The following ASCC3 variants were observed in gnomAD, a reference collection of about 807,000 sequenced individuals.
ASCC3 encodes the protein ASC-1 complex subunit P200.
A neutral mutation model predicts 256.3 loss-of-function variants in ASCC3; 158 were observed. That is an observed-to-expected ratio of 0.62 (90% CI 0.54 to 0.70). The LOEUF (loss-of-function observed/expected upper bound fraction) is 0.70. Among genes scored for constraint, ASCC3 ranks in the 30% least tolerant of loss-of-function variants. The probability of loss-of-function intolerance (pLI) is 0.00; values close to 1 mark genes in which losing one functional copy is unlikely to be tolerated. For missense variants in ASCC3, 2,259 were observed against 2,626.0 expected (o/e 0.86, Z 3.05); for synonymous variants, 948 against 883.4 (o/e 1.07, Z -1.30).
chr6:100,848,903 C>G (rs1425646357), intron 3 of ASCC3, among the ~76,000 whole-genome samples, 196 bp from the exon 4 acceptor site: 1 of 152,138 alleles, frequency 6.6e-6, no homozygotes, highest in African/African-American at 2.4e-5. Context: ...TCTAGGAGTT[C>G]AAGACCAGCC....
chr6:100,547,530 AAAG>A (rs1430190562), intron 36 of ASCC3, among the ~76,000 whole-genome samples: 27 of 152,180 alleles, frequency 1.8e-4, no homozygotes, highest in Non-Finnish European at 3.8e-4. Context: ...CAGCCCAGTA[AAAG>A]AAGGGCTAAA....
intron 36 of ASCC3, among the ~76,000 whole-genome samples, chr6:100,579,458 G>C (rs567021816): frequency 2.6e-5 from 4 of 152,174 alleles, no homozygotes; most frequent in South Asian, 2.1e-4. Context: ...TTATCTTCCA[G>C]AGTTTTTGTA....
intron 10 of ASCC3, among the ~76,000 whole-genome samples, chr6:100,746,164 G>T (rs1186350452): frequency 6.8e-6 from 1 of 147,216 alleles, no homozygotes; most frequent in East Asian, 2.0e-4. Flanking sequence ...TTAAAATAAA[G>T]AAACTAAAAC....
In ASCC3 at chr6:100,572,117, C is replaced by T. The variant is rs111592579; in HGVS notation, c.5550+17517G>A. On this transcript the variant is annotated intron_variant, in intron 36 of 41. Coordinates refer to ENST00000369162, the MANE Select transcript of ASCC3 (RefSeq NM_006828.4). Reference sequence around the variant, plus strand: ...TATAGATTGAATATTTGTATCCCCCCCCATTAATATGTTAAACCTGAACTC... The same window carrying T: ...TATAGATTGAATATTTGTATCCCCCTCCATTAATATGTTAAACCTGAACTC... Among the ~76,000 whole-genome samples the T allele has an allele frequency of 5.9e-5, 9 of 152,206 alleles. 1 individual carries two copies. The highest frequency in any genetic ancestry group is 2.2e-4 in the African/African-American group (9 of 41,536).
At chr6:100,623,497 T>G (rs921760726) in intron 30 of ASCC3, among the ~76,000 whole-genome samples, 1 of 152,002 alleles carries the variant, frequency 6.6e-6, no homozygotes, top group East Asian at 1.9e-4. Flanking sequence ...TCTAAATGAG[T>G]CATGAGAAGT....
rs746386043 is a variant in ASCC3 at position 100,725,601 on chromosome 6, G to T, written c.1840C>A (p.His614Asn). 10 of 1,612,656 alleles carry T rather than the reference G, an allele frequency of 6.2e-6. No homozygotes were observed. Among genetic ancestry groups the T allele is most frequent in the Non-Finnish European group, 8.5e-7 (1 of 1,179,190 alleles). ...IVRLLILDEV[H>N]LLHEDRGPVL... Reference sequence around the variant, plus strand: ...GGTCCTCTATCTTCATGCAGCAAATGAACTTCATCAAGAATAAGGAGCCTT... The same window carrying T: ...GGTCCTCTATCTTCATGCAGCAAATTAACTTCATCAAGAATAAGGAGCCTT... Residue 614 changes from histidine (H) to asparagine (N), a missense_variant, in exon 11 of 42, where the codon CAT becomes AAT. Around this residue, in one of 2 missense-constraint regions of ASCC3, gnomAD observed 1,839 missense variants for 2,206.7 expected, o/e 0.83. Coordinates refer to ENST00000369162, the MANE Select transcript of ASCC3 (RefSeq NM_006828.4).
Position 100,509,220 on chromosome 6 carries a change from T to C in ASCC3, c.*166A>G. 2 of 849,156 alleles carry C rather than the reference T, an allele frequency of 2.4e-6. No homozygotes were observed. Among genetic ancestry groups the C allele is most frequent in the South Asian group, 1.5e-5 (1 of 64,856 alleles). 52.6% of individuals were successfully genotyped at this position (849,156 alleles called of 1,614,324 possible). A position where few individuals can be genotyped will look rare whatever the true frequency, so the allele number is the denominator to read the frequency against. On this transcript the variant is annotated 3_prime_UTR_variant, in exon 42 of 42. Coordinates refer to ENST00000369162, the MANE Select transcript of ASCC3 (RefSeq NM_006828.4). The stretch of plus-strand genomic sequence containing the variant: ...ACATTTGTTAAAAGGCCACTGTGGT[T>C]AACTTTATGTCACTGGAGTCAATAC...
At chr6:100,875,319 A>T (rs1234436397) in intron 1 of ASCC3, among the ~76,000 whole-genome samples, 1 of 152,186 alleles carries the variant, frequency 6.6e-6, no homozygotes, top group Non-Finnish European at 1.5e-5. Context: ...AGGAGTCTAT[A>T]TGTATAGAGG....
intron 37 of ASCC3, among the ~76,000 whole-genome samples, chr6:100,528,350 A>T (rs1032661754): frequency 6.6e-6 from 1 of 152,154 alleles, no homozygotes; most frequent in Admixed American, 6.6e-5. Flanking sequence ...ACTTGTAAAG[A>T]TTTGTTTTTG....
chr6:100,663,365 C>T (rs1370663420), intron 14 of ASCC3, among the ~76,000 whole-genome samples: 2 of 152,160 alleles, frequency 1.3e-5, no homozygotes, highest in Middle Eastern at 3.4e-3. Context: ...TTCTGAGTAG[C>T]ATGATGAAAT....
At chr6:100,579,779 T>C (rs1278788875) in intron 36 of ASCC3, among the ~76,000 whole-genome samples, 3 of 152,174 alleles carry the variant, frequency 2.0e-5, no homozygotes, top group African/African-American at 7.2e-5. Context: ...CCAGCTTGGT[T>C]CCTTTTGTTT....
chr6:100,574,305 T>C (rs1770748380), intron 36 of ASCC3, among the ~76,000 whole-genome samples: 1 of 152,060 alleles, frequency 6.6e-6, no homozygotes, highest in Non-Finnish European at 1.5e-5. Flanking sequence ...TTTGTAAATT[T>C]AGATAAAAGA....
chr6:100,730,203 G>T lies in ASCC3; in HGVS notation c.1738-4500C>A, dbSNP rs560336867. Among the ~76,000 whole-genome samples the T allele has an allele frequency of 1.8e-4, 27 of 152,138 alleles. No homozygotes were observed. In the South Asian group the frequency reaches 5.2e-3, roughly 29 times the overall value. On this transcript the variant is annotated intron_variant, in intron 10 of 41. Transcript: ENST00000369162. Reference sequence around the variant, plus strand: ...CTGTAGTCTTACAGGGGGCTGAAGTGGGAGGATTGCTTGAGCCCAGGAGTT... The same window carrying T: ...CTGTAGTCTTACAGGGGGCTGAAGTTGGAGGATTGCTTGAGCCCAGGAGTT...
intron 4 of ASCC3, among the ~76,000 whole-genome samples, chr6:100,847,253 T>G (rs1462009401): frequency 6.6e-6 from 1 of 152,154 alleles, no homozygotes; most frequent in Non-Finnish European, 1.5e-5. Context: ...TGAGCAAATA[T>G]TAGTAAAATT....
chr6:100,803,220 A>G (rs1327826819), intron 5 of ASCC3, among the ~76,000 whole-genome samples: 1 of 152,040 alleles, frequency 6.6e-6, no homozygotes, highest in Non-Finnish European at 1.5e-5. Context: ...TAATATGGTT[A>G]GGCTTTATGT....
intron 10 of ASCC3, among the ~76,000 whole-genome samples, chr6:100,736,844 G>A (rs1780193224): frequency 6.6e-6 from 1 of 152,044 alleles, no homozygotes; most frequent in Non-Finnish European, 1.5e-5. Context: ...TGTATTTCAA[G>A]GTATCATTAA....
intron 13 of ASCC3, among the ~76,000 whole-genome samples, chr6:100,714,655 G>A (rs1779006270): frequency 7.3e-6 from 1 of 137,120 alleles, no homozygotes. Context: ...TATTATTCTT[G>A]CTAGTATACA....
Position 100,540,482 on chromosome 6 carries a change from A to T in ASCC3, c.5551-95T>A, listed in dbSNP as rs1775402452. 5.7e-6 allele frequency: 6 copies of T among 1,046,708 alleles called. No homozygotes were observed. The East Asian group carries it at 1.5e-4, about 27-fold the overall frequency. The allele number at this position is 1,046,708 out of a possible 1,614,324, so 64.8% of individuals were successfully genotyped here. On this transcript the variant is annotated intron_variant, in intron 36 of 41. Transcript: ENST00000369162. ...GACATTTAAAACATGGCTCAGAAAA[A>T]TCATACAATAACCATATCCCTTAGA...
chr6:100,748,104 T>C (rs1780771337), intron 10 of ASCC3, among the ~76,000 whole-genome samples: 1 of 152,078 alleles, frequency 6.6e-6, no homozygotes. Flanking sequence ...ATTACTGTTC[T>C]GCCAAATGGG....
Sources: allele counts gnomAD v4.1 joint callset (sites outside exome capture counted in the v4.1 genomes callset), GRCh38; gene constraint gnomAD v4.1.1; regional missense constraint gnomAD v4.1.1; transcripts MANE v1.5; gene names NCBI Gene and HGNC (gene_info 2026-07-23, HGNC 2026-07-21).